Variants in GSG1L observed in about 807,000 individuals in gnomAD.
The protein encoded by GSG1L is germ cell-specific gene 1-like protein.
Under a neutral mutation model 42.1 loss-of-function variants are expected in GSG1L, and 24 were observed. The observed-to-expected ratio is 0.57, with a 90% CI of 0.41 to 0.80. GSG1L has a LOEUF of 0.80. GSG1L is among the 30% of genes least tolerant of loss of function. The pLI is 0.00. For synonymous variants in GSG1L, 215 were observed against 203.5 expected (o/e 1.06, Z -0.48); for missense variants, 445 against 472.2 (o/e 0.94, Z 0.53).
intron 4 of GSG1L, among the ~76,000 whole-genome samples, chr16:27,831,592 G>A (rs2083274595): frequency 6.6e-6 from 1 of 152,156 alleles, no homozygotes; most frequent in African/African-American, 2.4e-5. Flanking sequence ...ATGAGTGGTG[G>A]AGTCCAGTAA....
chr16:27,870,845 CGT>C (rs2083811690), intron 3 of GSG1L, among the ~76,000 whole-genome samples: 1 of 151,348 alleles, frequency 6.6e-6, no homozygotes, highest in Non-Finnish European at 1.5e-5. Context: ...CACAGTCCTC[CGT>C]TCCCTCTGCC....
At chr16:27,969,945 T>G (rs1291961979) in intron 1 of GSG1L, among the ~76,000 whole-genome samples, 1 of 152,238 alleles carries the variant, frequency 6.6e-6, no homozygotes, top group Non-Finnish European at 1.5e-5. Context: ...AATTTGCATT[T>G]TCTTAATGAC....
intron 2 of GSG1L, among the ~76,000 whole-genome samples, chr16:27,916,115 C>A (rs7187265): frequency 0.25 from 37,782 of 151,938 alleles, 4,999 homozygotes; most frequent in Non-Finnish European, 0.29. Context: ...CCTGAGACAC[C>A]CAATGAGGAA....
Position 27,789,314 on chromosome 16 carries a change from G to A in GSG1L, c.*2056C>T, listed in dbSNP as rs1301066710. On this transcript the variant is annotated 3_prime_UTR_variant, in exon 7 of 7. Transcript: ENST00000447459. ...ATGGATGGTTGATGGATAATGGGCA[G>A]ATGGAGGGATGAATGGATGTGTGGA... 6.6e-6 allele frequency: 1 copy of A among 152,122 alleles called. No individual in the cohort carries two copies. The highest frequency in any genetic ancestry group is 1.5e-5 in the Non-Finnish European group (1 of 68,014). 9.4% of individuals were successfully genotyped at this position (152,122 alleles called of 1,614,324 possible).
At chr16:27,903,353 T>G (rs966354716) in intron 2 of GSG1L, among the ~76,000 whole-genome samples, 1 of 152,096 alleles carries the variant, frequency 6.6e-6, no homozygotes, top group Non-Finnish European at 1.5e-5. Flanking sequence ...GTGTCAGTGC[T>G]GCCCTGTGGG....
rs898255589 is a variant in GSG1L at position 28,005,591 on chromosome 16, T to C, written c.350-42388A>G. ...CAAATAAGGTCACATTCTGAGGTACTGGGGGTTAGGAGTTCAACGTATGAA... is the reference window on the plus strand; with the variant it reads ...CAAATAAGGTCACATTCTGAGGTACCGGGGGTTAGGAGTTCAACGTATGAA... On this transcript the variant is annotated intron_variant, in intron 1 of 6. Transcript: ENST00000447459. 2.7e-5 allele frequency among the ~76,000 whole-genome samples: 4 copies of C among 150,564 alleles called. No homozygotes were observed. In the East Asian group the frequency reaches 7.8e-4, roughly 29 times the overall value.
At chr16:27,847,933 C>T (rs899103353) in intron 3 of GSG1L, among the ~76,000 whole-genome samples, 1 of 152,182 alleles carries the variant, frequency 6.6e-6, no homozygotes, top group African/African-American at 2.4e-5. Context: ...ACAAGTTACC[C>T]AGTCTCAGGT....
chr16:27,865,564 T>TACAC (rs1485191418), intron 3 of GSG1L, among the ~76,000 whole-genome samples: 421 of 19,586 alleles, frequency 0.021, 26 homozygotes, highest in African/African-American at 0.17. Context: ...TATATATATA[T>TACAC]ATATATATAC....
At chr16:27,926,088 T>A (rs1008355360) in intron 2 of GSG1L, among the ~76,000 whole-genome samples, 2 of 152,202 alleles carry the variant, frequency 1.3e-5, no homozygotes, top group African/African-American at 4.8e-5. Context: ...ACAGTCTTCA[T>A]GAATACAAGA....
intron 5 of GSG1L, among the ~76,000 whole-genome samples, chr16:27,818,165 G>T (rs907797880): frequency 6.6e-6 from 1 of 152,196 alleles, no homozygotes; most frequent in Non-Finnish European, 1.5e-5. Flanking sequence ...TGGTCCTGGT[G>T]GCAAATGGCC....
At chr16:28,056,900 G>A (rs566006985) in intron 1 of GSG1L, among the ~76,000 whole-genome samples, 6 of 152,146 alleles carry the variant, frequency 3.9e-5, no homozygotes, top group Non-Finnish European at 8.8e-5. Flanking sequence ...CGGGCAGCAA[G>A]GCGGCTAATT....
chr16:27,980,626 T>C (rs968482266), intron 1 of GSG1L, among the ~76,000 whole-genome samples: 2 of 152,104 alleles, frequency 1.3e-5, no homozygotes, highest in African/African-American at 4.8e-5. Context: ...CTCAGGCCTG[T>C]AATCTCAGCA....
At chr16:27,979,784 A>AAG (rs1567543112) in intron 1 of GSG1L, among the ~76,000 whole-genome samples, 9 of 139,264 alleles carry the variant, frequency 6.5e-5, no homozygotes, top group African/African-American at 1.1e-4. Context: ...GAAAGAAAGA[A>AAG]AAAGAAAGAA....
intron 2 of GSG1L, among the ~76,000 whole-genome samples, chr16:27,911,011 T>C (rs1360571360): frequency 6.6e-6 from 1 of 151,786 alleles, no homozygotes; most frequent in East Asian, 1.9e-4. Context: ...AGAACCTGTC[T>C]AAAAAACAAC....
At chr16:27,956,761 G>A (rs750587820) in intron 2 of GSG1L, among the ~76,000 whole-genome samples, 6 of 151,200 alleles carry the variant, frequency 4.0e-5, no homozygotes, top group Admixed American at 2.0e-4. Flanking sequence ...CAAGCCTTCC[G>A]ACATGAGCTA....
chr16:27,878,856 C>A (rs1327520326), intron 3 of GSG1L, among the ~76,000 whole-genome samples: 1 of 152,182 alleles, frequency 6.6e-6, no homozygotes, highest in East Asian at 1.9e-4. Flanking sequence ...ACTCTGAACA[C>A]AAGGACAAGT....
At position 28,030,857 on chromosome 16, in the gene GSG1L, C is replaced by CTGGGATGGGA. The variant is rs1156452839; in HGVS notation, c.349+32209_349+32218dup. 1.5e-4 allele frequency among the ~76,000 whole-genome samples: 13 copies of CTGGGATGGGA among 84,010 alleles called. No individual in the cohort carries two copies. In the East Asian group the frequency reaches 2.3e-3, roughly 15 times the overall value. The allele number at this position is 84,010 out of a possible 152,430, so 55.1% of individuals were successfully genotyped here. A position where few individuals can be genotyped will look rare whatever the true frequency, so the allele number is the denominator to read the frequency against. ...GTGGAATGGGATGGGATTGGATAGACTGGGATGGGATGGGATGGGATGGGT... is the reference window on the plus strand; with the variant it reads ...GTGGAATGGGATGGGATTGGATAGACTGGGATGGGATGGGATGGGATGGGATGGGATGGGT... On this transcript the variant is annotated intron_variant, in intron 1 of 6. Coordinates refer to ENST00000447459, the MANE Select transcript of GSG1L (RefSeq NM_001109763.2).
intron 1 of GSG1L, among the ~76,000 whole-genome samples, chr16:28,004,771 C>T (rs540687284): frequency 6.6e-6 from 1 of 152,004 alleles, no homozygotes; most frequent in South Asian, 2.1e-4. Context: ...GAGCAAGACC[C>T]TGTCTCAAAA....
At chr16:27,794,076 G>A (rs1360756117) in intron 6 of GSG1L, among the ~76,000 whole-genome samples, 1 of 152,178 alleles carries the variant, frequency 6.6e-6, no homozygotes, top group Non-Finnish European at 1.5e-5. Flanking sequence ...GCGCAGTGGC[G>A]CCATCATGGC....
Sources: gnomAD v4.1 joint callset for allele counts (sites outside exome capture counted in the v4.1 genomes callset) on GRCh38, gnomAD v4.1.1 for gene constraint, MANE v1.5 for transcripts, NCBI Gene and HGNC (gene_info 2026-07-23, HGNC 2026-07-21) for gene names.